The following PRKCE variants were observed in gnomAD, a reference collection of about 807,000 sequenced individuals.
PRKCE encodes protein kinase C epsilon type.
PRKCE carries 16 observed loss-of-function variants against 85.4 expected under a neutral mutation model. The ratio of observed to expected loss-of-function variants is 0.19; its 90% CI spans 0.13 to 0.28. The LOEUF (loss-of-function observed/expected upper bound fraction) is 0.28, where lower values mean the gene tolerates loss of function less well. PRKCE is among the 10% of genes least tolerant of loss of function. The pLI, the probability that PRKCE is intolerant of heterozygous loss-of-function variation, is 1.00. For missense variants in PRKCE, 573 were observed against 975.2 expected (o/e 0.59, Z 5.49); for synonymous variants, 388 against 371.5 (o/e 1.04, Z -0.51).
chr2:46,170,648 T>C (rs1445488684), intron 14 of PRKCE, among the ~76,000 whole-genome samples: 1 of 152,196 alleles, frequency 6.6e-6, no homozygotes, highest in Non-Finnish European at 1.5e-5. Flanking sequence ...TCTCACCTTT[T>C]ATGGCTCAAG....
At chr2:45,949,402 G>GTTTTTTTTTTTTTTTTTTTT (rs35033431) in intron 2 of PRKCE, among the ~76,000 whole-genome samples, 1 of 118,746 alleles carries the variant, frequency 8.4e-6, no homozygotes, top group Non-Finnish European at 1.7e-5. Context: ...TATTTTGCTT[G>GTTTTTTTTTTTTTTTTTTTT]TTTTTTTTTT....
chr2:45,867,184 A>C (rs1387195839), intron 2 of PRKCE, among the ~76,000 whole-genome samples: 1 of 152,190 alleles, frequency 6.6e-6, no homozygotes, highest in Non-Finnish European at 1.5e-5. Flanking sequence ...ACAGAAAAAC[A>C]GTAGAAAAGG....
chr2:45,741,319 G>T (rs1204694411), intron 1 of PRKCE, among the ~76,000 whole-genome samples: 1 of 152,178 alleles, frequency 6.6e-6, no homozygotes, highest in Admixed American at 6.5e-5. Context: ...TTTTCCTCAT[G>T]GTTGTTTATA....
intron 1 of PRKCE, among the ~76,000 whole-genome samples, chr2:45,720,080 C>T (rs969675092): frequency 6.6e-6 from 1 of 152,152 alleles, no homozygotes; most frequent in Admixed American, 6.5e-5. Context: ...AAACAGCATT[C>T]CTTGGCTGCA....
chr2:45,674,199 A>G (rs1676312570), intron 1 of PRKCE, among the ~76,000 whole-genome samples: 1 of 152,174 alleles, frequency 6.6e-6, no homozygotes, highest in South Asian at 2.1e-4. Context: ...CGCTCCTTCC[A>G]CTTCTGAGCC....
rs539483652 is a variant in PRKCE, at chr2:46,089,066, C to G, written c.1592+2704C>G. 5.9e-5 allele frequency among the ~76,000 whole-genome samples: 9 copies of G among 152,272 alleles called. No individual in the cohort carries two copies. In the South Asian group the frequency reaches 1.9e-3, roughly 32 times the overall value. On this transcript the variant is annotated intron_variant, in intron 11 of 14. Transcript: ENST00000306156. Reference sequence around the variant, plus strand: ...TCACCAACCTGTGACCACTTTTGCCCTGTTGGCTTCTATGAGCCATTCTCT... The same window carrying G: ...TCACCAACCTGTGACCACTTTTGCCGTGTTGGCTTCTATGAGCCATTCTCT...
chr2:46,064,705 T>C (rs1379365340), intron 10 of PRKCE, among the ~76,000 whole-genome samples: 1 of 152,256 alleles, frequency 6.6e-6, no homozygotes, highest in East Asian at 1.9e-4. Context: ...AAATGCCTCA[T>C]TGGCCTAAAA....
At chr2:45,992,940 G>A (rs1435888009) in intron 6 of PRKCE, among the ~76,000 whole-genome samples, 2 of 152,228 alleles carry the variant, frequency 1.3e-5, no homozygotes, top group Non-Finnish European at 2.9e-5. Flanking sequence ...GAATAGCTGG[G>A]TAGTAGTAGA....
At position 45,756,631 on chromosome 2, in the gene PRKCE, C is replaced by G. The variant is rs116588673; in HGVS notation, c.349-86369C>G. 3.1e-3 allele frequency among the ~76,000 whole-genome samples: 469 copies of G among 152,134 alleles called. 5 individuals are homozygous for G. Among genetic ancestry groups the G allele is most frequent in the African/African-American group, 0.011 (451 of 41,498 alleles). ...AATGGATAAACAAATTGTGGTATAT[C>G]TATACAATGGATACTATTTAGTAAT... is the stretch of plus-strand genomic sequence containing the variant. On this transcript the variant is annotated intron_variant, in intron 1 of 14. Coordinates refer to ENST00000306156, the MANE Select transcript of PRKCE (RefSeq NM_005400.3).
chr2:45,865,201 T>G (rs1186483010), intron 2 of PRKCE, among the ~76,000 whole-genome samples: 1 of 152,204 alleles, frequency 6.6e-6, no homozygotes, highest in African/African-American at 2.4e-5. Flanking sequence ...TGGAACAGGC[T>G]TTATGTAGAA....
At chr2:45,976,301 C>A in intron 2 of PRKCE, 128 bp from the exon 3 acceptor site, 1 of 1,116,280 alleles carries the variant, frequency 9.0e-7, no homozygotes, top group South Asian at 1.5e-5. Context: ...TCCCTCCACA[C>A]ACAAAGGCTA....
intron 2 of PRKCE, among the ~76,000 whole-genome samples, chr2:45,849,864 C>T (rs146672883): frequency 1.3e-5 from 2 of 152,156 alleles, no homozygotes; most frequent in Non-Finnish European, 2.9e-5. Context: ...ATTTTTGGCT[C>T]TATTTTTGGT....
chr2:46,128,599 T>A (rs1345253807), intron 11 of PRKCE, among the ~76,000 whole-genome samples: 1 of 152,244 alleles, frequency 6.6e-6, no homozygotes, highest in Non-Finnish European at 1.5e-5. Context: ...GGCATCTCTG[T>A]CTTGCTATTC....
chr2:45,737,518 C>G (rs1396592964), intron 1 of PRKCE, among the ~76,000 whole-genome samples: 4 of 152,226 alleles, frequency 2.6e-5, no homozygotes, highest in Admixed American at 6.5e-5. Flanking sequence ...CGGCCCGGGG[C>G]TCCTCCTCGC....
At position 46,061,824 on chromosome 2, in the gene PRKCE, A is replaced by ATTTCT. The variant is rs529400456; in HGVS notation, c.1438-24355_1438-24351dup. On this transcript the variant is annotated intron_variant, in intron 10 of 14. Coordinates refer to ENST00000306156, the MANE Select transcript of PRKCE (RefSeq NM_005400.3). ...GCTGTCACTCATGCATACGTTAAGT[A>ATTTCT]TTTCTTTTCTTTTCTTTTCTTTTCT... is the stretch of plus-strand genomic sequence containing the variant. Among the ~76,000 whole-genome samples the ATTTCT allele has an allele frequency of 9.1e-3, 1,180 of 129,280 alleles. 8 individuals are homozygous for ATTTCT. Among genetic ancestry groups the ATTTCT allele is most frequent in the Middle Eastern group, 0.017 (4 of 230 alleles). 84.8% of individuals were successfully genotyped at this position (129,280 alleles called of 152,430 possible).
Position 46,159,780 on chromosome 2 carries a change from A to C in PRKCE, c.2067+28A>C, listed in dbSNP as rs1354375700. On this transcript the variant is annotated intron_variant, in intron 14 of 14. Transcript: ENST00000306156. The surrounding 1 kb of genome is among the most constrained non-coding windows in gnomAD (Gnocchi z 4.1). ...AAGTTGGTCCCCGTGCACGTTCAGC[A>C]CCATGGGTCGGGCCCAGGTACTTGC... 6.3e-7 allele frequency: 1 copy of C among 1,597,798 alleles called. No individual in the cohort carries two copies. Among genetic ancestry groups the C allele is most frequent in the South Asian group, 1.1e-5 (1 of 90,548 alleles).
intron 1 of PRKCE, chr2:45,701,340 C>T (rs990833473): frequency 1.9e-4 from 29 of 152,206 alleles, no homozygotes; most frequent in Admixed American, 1.7e-3. Flanking sequence ...ACCTATCTAT[C>T]TATTGATTGA....
chr2:45,949,595 G>A (rs1041625795), intron 2 of PRKCE, among the ~76,000 whole-genome samples: 2 of 150,824 alleles, frequency 1.3e-5, no homozygotes, highest in African/African-American at 4.9e-5. Flanking sequence ...TTTGCTTTTT[G>A]CTTTCTGTTT....
At chr2:45,813,864 T>C (rs7368705) in intron 1 of PRKCE, among the ~76,000 whole-genome samples, 123,123 of 152,240 alleles carry the variant, frequency 0.81, 50,280 homozygotes, top group African/African-American at 0.94. Context: ...AGATTGCATC[T>C]GTTCTCTTCT....
Sources: gnomAD v4.1 joint callset for allele counts (sites outside exome capture counted in the v4.1 genomes callset) on GRCh38, gnomAD v4.1.1 for gene constraint, Gnocchi (gnomAD v3.1) non-coding constraint, MANE v1.5 for transcripts, NCBI Gene and HGNC (gene_info 2026-07-23, HGNC 2026-07-21) for gene names.